The following NME5 variants were observed in gnomAD, a reference collection of about 807,000 sequenced individuals.
NME5 encodes nucleoside diphosphate kinase 5.
NME5 carries 18 observed loss-of-function variants against 21.6 expected under a neutral mutation model. The ratio of observed to expected loss-of-function variants is 0.83; its 90% CI spans 0.58 to 1.24. The LOEUF is 1.24. Among genes scored for constraint, NME5 ranks in the 50% most tolerant of loss-of-function variants. The pLI is 0.00. For synonymous variants in NME5, 70 were observed against 80.6 expected (o/e 0.87, Z 0.71); for missense variants, 223 against 255.4 (o/e 0.87, Z 0.86).
At position 138,135,563 on chromosome 5, in the gene NME5, G is replaced by A. The variant is rs556124012; in HGVS notation, c.129+3089C>T. 5.9e-5 allele frequency among the ~76,000 whole-genome samples: 9 copies of A among 151,860 alleles called. No homozygotes were observed. In the South Asian group the frequency reaches 1.9e-3, roughly 32 times the overall value. Reference sequence around the variant, plus strand: ...TTGGTCAGGCTGGTCTCCAACTCCTGACCTCAGGTGATCCACCCGCCTTGG... The same window carrying A: ...TTGGTCAGGCTGGTCTCCAACTCCTAACCTCAGGTGATCCACCCGCCTTGG... On this transcript the variant is annotated intron_variant, in intron 2 of 5. Transcript: ENST00000265191.
At chr5:138,138,363 A>T in intron 2 of NME5, 1 of 297,400 alleles carries the variant, frequency 3.4e-6, no homozygotes, top group Non-Finnish European at 6.2e-6. Flanking sequence ...TGGGGGGAAA[A>T]TGTTTATAAA....
intron 1 of NME5, 122 bp downstream of exon 1, chr5:138,139,249 T>A (rs1751812302): frequency 3.7e-6 from 2 of 538,286 alleles, no homozygotes; most frequent in Non-Finnish European, 4.8e-6. Flanking sequence ...GAAGCGACCC[T>A]GTCCCGCAGG....
intron 4 of NME5, among the ~76,000 whole-genome samples, chr5:138,126,510 CAAAAAAAAAA>C (rs57938582): frequency 1.3e-4 from 7 of 54,204 alleles, no homozygotes; most frequent in Admixed American, 1.0e-3. Context: ...GAATCTATCT[CAAAAAAAAAA>C]AAAAAAAAAA....
intron 4 of NME5, among the ~76,000 whole-genome samples, chr5:138,126,275 G>C (rs1469324814): frequency 6.6e-6 from 1 of 152,076 alleles, no homozygotes. Flanking sequence ...ACTTTGGAAG[G>C]CAGGTGGGAG....
intron 4 of NME5, among the ~76,000 whole-genome samples, chr5:138,124,525 T>C (rs1249104610): frequency 1.3e-5 from 2 of 152,206 alleles, no homozygotes; most frequent in Non-Finnish European, 2.9e-5. Flanking sequence ...AGTGAATTAT[T>C]CATTTATTTA....
chr5:138,137,042 C>A lies in NME5; in HGVS notation c.129+1610G>T, dbSNP rs566545935. On this transcript the variant is annotated intron_variant, in intron 2 of 5. Transcript: ENST00000265191. ...GTCCTACTCCAACAACAAAATAAAT[C>A]CATTATCTTTTCTTCCTGAACTTAC... Among the ~76,000 whole-genome samples, 53 of 150,436 alleles carry A rather than the reference C, an allele frequency of 3.5e-4. 1 individual carries two copies. The South Asian group carries it at 0.01, about 28-fold the overall frequency.
At chr5:138,129,802 C>G (rs1357730004) in intron 2 of NME5, among the ~76,000 whole-genome samples, 1 of 152,002 alleles carries the variant, frequency 6.6e-6, no homozygotes, top group Non-Finnish European at 1.5e-5. Context: ...TACTAAAATT[C>G]AAAAAATTAG....
chr5:138,128,618 G>A (rs766827601), intron 3 of NME5, 39 bp from the exon 4 acceptor site: 19 of 1,411,832 alleles, frequency 1.3e-5, no homozygotes, highest in Middle Eastern at 1.8e-4. Flanking sequence ...CCAATCTAAC[G>A]TCTATTCCTT....
chr5:138,139,389 A>C lies in NME5; in HGVS notation c.-24T>G, dbSNP rs1333097125. 1 of 985,472 alleles carries C rather than the reference A, an allele frequency of 1.0e-6. No homozygotes were observed. Among genetic ancestry groups the C allele is most frequent in the African/African-American group, 1.7e-5 (1 of 57,206 alleles). 61.0% of individuals were successfully genotyped at this position (985,472 alleles called of 1,614,324 possible). On this transcript the variant is annotated 5_prime_UTR_variant, in exon 1 of 6. Transcript: ENST00000265191. ...TACTCACCTCAGCGGCCGTCCTCAT[A>C]TGGTACAACTTGTTGCTAGGAGACC...
intron 2 of NME5, among the ~76,000 whole-genome samples, chr5:138,132,815 T>G (rs1268455484): frequency 6.6e-6 from 1 of 152,210 alleles, no homozygotes; most frequent in Non-Finnish European, 1.5e-5. Flanking sequence ...ACATTTGTTC[T>G]CAAATTGAAA....
intron 1 of NME5, 143 bp from the exon 2 acceptor site, chr5:138,138,928 A>C: frequency 1.4e-6 from 1 of 739,714 alleles, no homozygotes; most frequent in Non-Finnish European, 2.2e-6. Flanking sequence ...TGATGAAGGT[A>C]GAAACTGCCA....
At chr5:138,137,341 C>T (rs1208514922) in intron 2 of NME5, among the ~76,000 whole-genome samples, 1 of 149,222 alleles carries the variant, frequency 6.7e-6, no homozygotes, top group Non-Finnish European at 1.5e-5. Context: ...TTTTTTGAGA[C>T]AGATCTCCCT....
At chr5:138,117,828 C>T (rs977252278) in intron 5 of NME5, among the ~76,000 whole-genome samples, 23 of 151,728 alleles carry the variant, frequency 1.5e-4, no homozygotes, top group African/African-American at 5.3e-4. Context: ...ACTAAAAATA[C>T]AAAAATTACC....
chr5:138,137,229 C>G (rs1246661459), intron 2 of NME5, among the ~76,000 whole-genome samples: 2 of 152,154 alleles, frequency 1.3e-5, no homozygotes, highest in African/African-American at 2.4e-5. Flanking sequence ...CTAACACTTT[C>G]TTGTGCCATC....
At chr5:138,132,365 T>A (rs1254028405) in intron 2 of NME5, among the ~76,000 whole-genome samples, 23 of 151,650 alleles carry the variant, frequency 1.5e-4, no homozygotes, top group Admixed American at 1.5e-3. Flanking sequence ...AAAAAAAAAA[T>A]TATTTATTAC....
chr5:138,121,947 C>G (rs1283763489), intron 4 of NME5, among the ~76,000 whole-genome samples: 1 of 151,968 alleles, frequency 6.6e-6, no homozygotes, highest in Non-Finnish European at 1.5e-5. Context: ...TCTGCCTCAG[C>G]CTCCCAAAGT....
At chr5:138,131,094 C>A (rs1751554266) in intron 2 of NME5, among the ~76,000 whole-genome samples, 1 of 148,222 alleles carries the variant, frequency 6.7e-6, no homozygotes, top group Admixed American at 6.8e-5. Context: ...AGGCCAGGCG[C>A]AGTGACTCAC....
At chr5:138,132,258 G>A (rs1277063935) in intron 2 of NME5, among the ~76,000 whole-genome samples, 2 of 152,104 alleles carry the variant, frequency 1.3e-5, no homozygotes, top group South Asian at 2.1e-4. Flanking sequence ...GCTGAGGCAC[G>A]AGAATTGCTT....
intron 5 of NME5, among the ~76,000 whole-genome samples, chr5:138,116,044 G>A (rs1043454287): frequency 1.4e-4 from 22 of 152,194 alleles, no homozygotes; most frequent in Admixed American, 7.9e-4. Flanking sequence ...TAAATTCAGC[G>A]AAGATGTAGG....
Sources: allele counts gnomAD v4.1 joint callset (sites outside exome capture counted in the v4.1 genomes callset), GRCh38; gene constraint gnomAD v4.1.1; transcripts MANE v1.5; gene names NCBI Gene and HGNC (gene_info 2026-07-23, HGNC 2026-07-21).